The following MROH6 variants were observed in gnomAD, a reference collection of about 807,000 sequenced individuals.
MROH6 encodes maestro heat like repeat family member 6, also known as maestro heat-like repeat-containing protein family member 6.
Under a neutral mutation model 67.7 loss-of-function variants are expected in MROH6, and 62 were observed. The observed-to-expected ratio is 0.92, with a 90% CI of 0.75 to 1.13. MROH6 has a LOEUF of 1.13. Ranked by LOEUF, MROH6 falls within the 50% of genes most tolerant of loss-of-function variation. MROH6 has a pLI of 0.00. For missense variants in MROH6, 1,175 were observed against 1,029.1 expected, an observed-to-expected ratio of 1.14 and a Z score of -1.94; for synonymous variants, 566 against 470.8, an observed-to-expected ratio of 1.20 and a Z score of -2.62.
chr8:143,567,574 C>T (rs1181997761), intron 13 of MROH6, 37 bp downstream of exon 13: 2 of 1,540,064 alleles, frequency 1.3e-6, no homozygotes, highest in East Asian at 2.5e-5. Context: ...CCAGCCACGT[C>T]TCCAGGACAC....
chr8:143,571,383 C>T (rs528977764), intron 3 of MROH6, among the ~76,000 whole-genome samples: 2 of 152,328 alleles, frequency 1.3e-5, no homozygotes, highest in East Asian at 1.9e-4. Context: ...CACCCCACTC[C>T]GGAGCCAACC....
chr8:143,570,097 C>A, intron 6 of MROH6, 32 bp from the exon 7 acceptor site: 1 of 1,597,052 alleles, frequency 6.3e-7, no homozygotes, highest in Non-Finnish European at 8.5e-7. Context: ...GCTCTCGCTC[C>A]GTTTGGCGGC....
At position 143,567,347 on chromosome 8, in the gene MROH6, G is replaced by A; in HGVS notation, c.2052C>T (p.Leu684=). Residue 684 remains leucine (L), a synonymous_variant, in exon 14 of 14, where the codon CTC becomes CTT. Coordinates refer to ENST00000398882, the MANE Select transcript of MROH6 (RefSeq NM_001100878.2). ...GCCGGGCGGGGCGCGGGGCGATGCG[G>A]AGAAGGCGGGGCCCGCGGGGGCAGC... ...ARGCPRGPRL[L]RIAPRPARPP... 8.2e-7 allele frequency: 1 copy of A among 1,220,538 alleles called. No homozygotes were observed. The highest frequency in any genetic ancestry group is 1.0e-6 in the Non-Finnish European group (1 of 980,206). The allele number at this position is 1,220,538 out of a possible 1,614,324, so 75.6% of individuals were successfully genotyped here.
Position 143,572,329 on chromosome 8 carries a change from G to A in MROH6, c.294+92C>T. On this transcript the variant is annotated intron_variant, in intron 1 of 13. Transcript: ENST00000398882. ...CTGTTTCACGCTGACCTCCCCCGGG[G>A]CCAGCACCGCCCCCCTGCCACCCCG... 5 of 1,484,446 alleles carry A rather than the reference G, an allele frequency of 3.4e-6. No individual in the cohort carries two copies. In the South Asian group the frequency reaches 6.6e-5, roughly 20 times the overall value. The allele number at this position is 1,484,446 out of a possible 1,614,324, so 92.0% of individuals were successfully genotyped here.
rs1419627586 is a variant in MROH6 at position 143,568,246 on chromosome 8, G to A, written c.1660C>T (p.Leu554=). ...CAAAAGGCGTGGTCACAGCGGGCCAGGGTCCACTCTGAGCTCTGGGATAGG... is the reference window on the plus strand; with the variant it reads ...CAAAAGGCGTGGTCACAGCGGGCCAAGGTCCACTCTGAGCTCTGGGATAGG... ...RDAAESSEWT[L]ARCDHAFCWG... The change falls in exon 11 of 14, where the codon CTG becomes TTG. Residue 554 remains leucine (L), a synonymous_variant. Transcript: ENST00000398882. The A allele has an allele frequency of 6.2e-7, 1 of 1,609,762 alleles. No individual in the cohort carries two copies.
chr8:143,572,384 G>A, intron 1 of MROH6, 37 bp downstream of exon 1: 2 of 1,517,788 alleles, frequency 1.3e-6, no homozygotes, highest in Non-Finnish European at 1.8e-6. Context: ...AGGACCCCCA[G>A]GCCGGTTCGC....
chr8:143,571,805 C>CGCACCAGA lies in MROH6; in HGVS notation c.456_463dup (p.Arg155LeufsTer13). The CGCACCAGA allele has an allele frequency of 6.5e-7, 1 of 1,546,468 alleles. No individual in the cohort carries two copies. ...GCTGGGCACCTGCGCCAGCAGCCCACGCACCAGAGCATGCACCTGGTGGGG... is the reference window on the plus strand; with the variant it reads ...GCTGGGCACCTGCGCCAGCAGCCCACGCACCAGAGCACCAGAGCATGCACCTGGTGGGG... On this transcript the variant is annotated frameshift_variant, in exon 3 of 14. Transcript: ENST00000398882. LOFTEE classifies it high-confidence loss of function.
chr8:143,571,482 G>T (rs1485448202), intron 3 of MROH6, among the ~76,000 whole-genome samples, 185 bp downstream of exon 3: 1 of 152,170 alleles, frequency 6.6e-6, no homozygotes, highest in African/African-American at 2.4e-5. Context: ...GCAGGAGTGT[G>T]GGGGGAGTTT....
chr8:143,567,040 A>C lies in MROH6; in HGVS notation c.*199T>G. ...TGTGAGAACAAGAGCCCTGACGGGG[A>C]CAGATGGGTGCTGGCTGTCCCCCTC... On this transcript the variant is annotated 3_prime_UTR_variant, in exon 14 of 14. Transcript: ENST00000398882. The C allele has an allele frequency of 2.9e-6, 1 of 339,864 alleles. No homozygotes were observed. The highest frequency in any genetic ancestry group is 5.1e-6 in the Non-Finnish European group (1 of 194,766). 21.1% of individuals were successfully genotyped at this position (339,864 alleles called of 1,614,324 possible). A position where few individuals can be genotyped will look rare whatever the true frequency, so the allele number is the denominator to read the frequency against.
chr8:143,569,879 C>T (rs779010129), intron 7 of MROH6, 39 bp from the exon 8 acceptor site: 68 of 1,609,834 alleles, frequency 4.2e-5, no homozygotes, highest in South Asian at 1.5e-4. Flanking sequence ...CCGCGGTCCC[C>T]GTGCAGGCCG....
At chr8:143,568,947 G>C (rs549502772) in intron 9 of MROH6, 2 of 464,826 alleles carry the variant, frequency 4.3e-6, no homozygotes, top group South Asian at 7.7e-5. Context: ...AAAGTCGAGC[G>C]GGGAGGAGCT....
At chr8:143,568,032 T>C (rs1226507938) in intron 11 of MROH6, 110 bp downstream of exon 11, 1 of 1,475,074 alleles carries the variant, frequency 6.8e-7, no homozygotes, top group Non-Finnish European at 9.1e-7. Context: ...GCCCCACCAG[T>C]AGCCTATCTG....
Position 143,567,172 on chromosome 8 carries a change from G to A in MROH6, c.*67C>T. ...CCCAGGGAGCCCCTCCGTCAGGGCGGGGACAGGCTGCTATGCGCGTGGGGT... is the reference window on the plus strand; with the variant it reads ...CCCAGGGAGCCCCTCCGTCAGGGCGAGGACAGGCTGCTATGCGCGTGGGGT... On this transcript the variant is annotated 3_prime_UTR_variant, in exon 14 of 14. Transcript: ENST00000398882. The A allele has an allele frequency of 1.1e-6, 1 of 922,624 alleles. No homozygotes were observed. The allele number at this position is 922,624 out of a possible 1,614,324, so 57.2% of individuals were successfully genotyped here. A position where few individuals can be genotyped will look rare whatever the true frequency, so the allele number is the denominator to read the frequency against.
At chr8:143,569,408 G>A (rs1194899107) in intron 9 of MROH6, 33 bp downstream of exon 9, 1 of 1,408,246 alleles carries the variant, frequency 7.1e-7, no homozygotes, top group Non-Finnish European at 9.2e-7. Flanking sequence ...GACAGCGGCA[G>A]GGGCGGGACC....
rs1312426834 is a variant in MROH6, at chr8:143,570,336, C to T, written c.950G>A (p.Gly317Asp). ...ALKALLTGDG[G>D]RMVVTCMEQA... ...CTCCATGCACGTGACCACCATGCGGCCTCCATCCCCGGTGAGCAGCGCCTT... is the reference window on the plus strand; with the variant it reads ...CTCCATGCACGTGACCACCATGCGGTCTCCATCCCCGGTGAGCAGCGCCTT... The change falls in exon 6 of 14, where the codon GGC becomes GAC. Residue 317 changes from glycine to aspartate, a missense_variant. Gly to Asp is a moderately conservative substitution (Grantham distance 94, BLOSUM62 -1). Coordinates refer to ENST00000398882, the MANE Select transcript of MROH6 (RefSeq NM_001100878.2). 4 of 1,610,330 alleles carry T rather than the reference C, an allele frequency of 2.5e-6. No homozygotes were observed. Among genetic ancestry groups the T allele is most frequent in the Non-Finnish European group, 3.4e-6 (4 of 1,179,758 alleles).
chr8:143,566,803 A>C lies in MROH6; in HGVS notation c.*436T>G. 17 of 153,878 alleles carry C rather than the reference A, an allele frequency of 1.1e-4. No individual in the cohort carries two copies. Among genetic ancestry groups the C allele is most frequent in the East Asian group, 3.8e-4 (2 of 5,246 alleles). The allele number at this position is 153,878 out of a possible 1,614,324, so 9.5% of individuals were successfully genotyped here. On this transcript the variant is annotated 3_prime_UTR_variant, in exon 14 of 14. Transcript: ENST00000398882. ...AGGAGCCTTAGGATGCTGGCAGGGA[A>C]TGGGGTGAGGGATGAGGATCGGGGG...
intron 10 of MROH6, 89 bp downstream of exon 10, chr8:143,568,463 C>A (rs1349103700): frequency 1.4e-6 from 2 of 1,456,356 alleles, no homozygotes; most frequent in Non-Finnish European, 1.8e-6. Flanking sequence ...ATGGGTGAGT[C>A]CCTGACCTGT....
chr8:143,572,638 T>G lies in MROH6; in HGVS notation c.77A>C (p.Glu26Ala). The change falls in exon 1 of 14, where the codon GAA (glutamate) becomes GCA (alanine). Residue 26 changes from glutamate (E) to alanine (A), a missense_variant. By Grantham distance (107) the Glu-to-Ala change is moderately radical. Transcript: ENST00000398882. ...CTGCCCCTGCCTGGCCCGGATTCCT[T>G]CAGTCAGTGCTGTCAGGGTTAGAGC... ...VGALTLTALT[E>A]GIRARQGQPQ... The G allele has an allele frequency of 1.3e-6, 2 of 1,581,866 alleles. No homozygotes were observed. Among genetic ancestry groups the G allele is most frequent in the Non-Finnish European group, 1.7e-6 (2 of 1,169,354 alleles).
Position 143,567,287 on chromosome 8 carries a change from G to A in MROH6, c.2112C>T (p.Arg704=). Residue 704 remains arginine (R), a synonymous_variant, in exon 14 of 14, where the codon CGC becomes CGT. Transcript: ENST00000398882. ...PPVFADSPFQ[R]RSVAGRWGCS... ...AGCCCCAGCGGCCCGCGACGCTCCG[G>A]CGCTGGAAGGGGCTGTCGGCGAAGA... The A allele has an allele frequency of 1.6e-6, 2 of 1,222,680 alleles. No individual in the cohort carries two copies. Among genetic ancestry groups the A allele is most frequent in the Non-Finnish European group, 2.0e-6 (2 of 982,020 alleles). The allele number at this position is 1,222,680 out of a possible 1,614,324, so 75.7% of individuals were successfully genotyped here.
Sources: allele counts gnomAD v4.1 joint callset (sites outside exome capture counted in the v4.1 genomes callset), GRCh38; gene constraint gnomAD v4.1.1; transcripts MANE v1.5; gene names NCBI Gene and HGNC (gene_info 2026-07-23, HGNC 2026-07-21).